The following CDH13 variants were observed in gnomAD, a reference collection of about 807,000 sequenced individuals.
CDH13 encodes cadherin-13.
Under a neutral mutation model 63.8 loss-of-function variants are expected in CDH13, and 24 were observed. The observed-to-expected ratio is 0.38, with a 90% CI of 0.27 to 0.53. The LOEUF (loss-of-function observed/expected upper bound fraction) is 0.53, where lower values mean the gene tolerates loss of function less well. Ranked by LOEUF, CDH13 falls within the 20% of genes least tolerant of loss-of-function variation. The probability of loss-of-function intolerance (pLI) is 0.85; values close to 1 mark genes in which losing one functional copy is unlikely to be tolerated. For missense variants in CDH13, 1,049 were observed against 903.1 expected (o/e 1.16, Z -2.07); for synonymous variants, 503 against 355.3 (o/e 1.42, Z -4.67).
chr16:83,615,909 G>A (rs1045540558), intron 8 of CDH13, among the ~76,000 whole-genome samples: 1 of 152,142 alleles, frequency 6.6e-6, no homozygotes, highest in Non-Finnish European at 1.5e-5. Flanking sequence ...CTTGAAAGGG[G>A]TGAGTTCATC....
intron 3 of CDH13, among the ~76,000 whole-genome samples, chr16:83,111,364 G>C (rs1021322312): frequency 6.6e-6 from 1 of 152,166 alleles, no homozygotes; most frequent in African/African-American, 2.4e-5. Context: ...ACTTAAAGTA[G>C]AGAGTCAGGG....
At chr16:83,052,582 C>T (rs1277648938) in intron 3 of CDH13, among the ~76,000 whole-genome samples, 1 of 152,062 alleles carries the variant, frequency 6.6e-6, no homozygotes, top group Non-Finnish European at 1.5e-5. Context: ...GAGTTGAAGA[C>T]CAGCCAGGCC....
At chr16:83,384,411 A>C (rs2091631796) in intron 6 of CDH13, among the ~76,000 whole-genome samples, 1 of 152,184 alleles carries the variant, frequency 6.6e-6, no homozygotes, top group Non-Finnish European at 1.5e-5. Flanking sequence ...GAAATAGACT[A>C]CCGAGGCGAA....
intron 1 of CDH13, among the ~76,000 whole-genome samples, chr16:82,845,411 G>A (rs974779270): frequency 3.3e-5 from 5 of 152,182 alleles, no homozygotes; most frequent in African/African-American, 1.2e-4. Flanking sequence ...AGAGACTGAG[G>A]GCACTCTAAG....
intron 2 of CDH13, among the ~76,000 whole-genome samples, chr16:82,907,882 C>A (rs971673229): frequency 6.6e-6 from 1 of 152,120 alleles, no homozygotes; most frequent in African/African-American, 2.4e-5. Flanking sequence ...TCTTTGAATG[C>A]AAACCATGGG....
At chr16:82,728,674 G>C (rs747571703) in intron 1 of CDH13, among the ~76,000 whole-genome samples, 1 of 152,074 alleles carries the variant, frequency 6.6e-6, no homozygotes, top group African/African-American at 2.4e-5. Context: ...TCAGGGTGGG[G>C]GTTGCTGAAG....
intron 5 of CDH13, among the ~76,000 whole-genome samples, chr16:83,342,988 T>G (rs974922525): frequency 2.0e-5 from 3 of 151,822 alleles, no homozygotes; most frequent in African/African-American, 7.2e-5. Flanking sequence ...AGTATTCTCA[T>G]AATAGCTTAA....
intron 6 of CDH13, among the ~76,000 whole-genome samples, chr16:83,421,485 G>A (rs1297289056): frequency 6.6e-6 from 1 of 152,172 alleles, no homozygotes; most frequent in South Asian, 2.1e-4. Context: ...TTTATTGCCT[G>A]ATGGTTGCAA....
chr16:83,531,985 C>A (rs891278677), intron 7 of CDH13, among the ~76,000 whole-genome samples: 1 of 152,144 alleles, frequency 6.6e-6, no homozygotes, highest in Admixed American at 6.5e-5. Flanking sequence ...ATGGGAGGCA[C>A]CCGGTGGGAG....
chr16:83,362,980 A>G (rs1029514344), intron 6 of CDH13, among the ~76,000 whole-genome samples: 6 of 152,232 alleles, frequency 3.9e-5, no homozygotes, highest in African/African-American at 9.6e-5. Flanking sequence ...TCCTTACAGC[A>G]TGAGACAGTC....
chr16:82,789,645 C>T (rs1052396297), intron 1 of CDH13, among the ~76,000 whole-genome samples: 2 of 152,182 alleles, frequency 1.3e-5, no homozygotes, highest in Admixed American at 6.5e-5. Context: ...GAGCAACCTA[C>T]TTTTTTGTTT....
chr16:83,610,504 C>G (rs1908760195), intron 8 of CDH13, among the ~76,000 whole-genome samples: 1 of 152,126 alleles, frequency 6.6e-6, no homozygotes, highest in African/African-American at 2.4e-5. Context: ...TCCTGCTAGT[C>G]CCACCACCTG....
intron 4 of CDH13, among the ~76,000 whole-genome samples, chr16:83,182,683 G>A (rs937301636): frequency 6.6e-6 from 1 of 152,184 alleles, no homozygotes; most frequent in Non-Finnish European, 1.5e-5. Flanking sequence ...GGTTTACCAA[G>A]TACTTTACTT....
chr16:83,256,777 G>A lies in CDH13; in HGVS notation c.636+39280G>A, dbSNP rs1036790387. On this transcript the variant is annotated intron_variant, in intron 5 of 13. Coordinates refer to ENST00000567109, the MANE Select transcript of CDH13 (RefSeq NM_001257.5). ...GGAGAATGGCATGAACCCAGGAGGC[G>A]GAGCTTGCAGTGAGCCGAGATCGCG... Among the ~76,000 whole-genome samples, 12 of 150,350 alleles carry A rather than the reference G, an allele frequency of 8.0e-5. 1 individual carries two copies. Among genetic ancestry groups the A allele is most frequent in the Non-Finnish European group, 1.5e-4 (10 of 67,680 alleles).
At chr16:82,770,794 G>A (rs1425119556) in intron 1 of CDH13, among the ~76,000 whole-genome samples, 5 of 151,888 alleles carry the variant, frequency 3.3e-5, no homozygotes, top group South Asian at 2.1e-4. Context: ...TGCAACCTCC[G>A]CCTCCCAAGT....
At chr16:83,226,358 A>G (rs2039838474) in intron 5 of CDH13, among the ~76,000 whole-genome samples, 1 of 152,182 alleles carries the variant, frequency 6.6e-6, no homozygotes, top group South Asian at 2.1e-4. Flanking sequence ...TTCCTCACTC[A>G]GGGCTATGGA....
intron 8 of CDH13, among the ~76,000 whole-genome samples, chr16:83,635,461 A>T (rs779422862): frequency 2.1e-5 from 3 of 145,580 alleles, no homozygotes; most frequent in African/African-American, 5.1e-5. Flanking sequence ...CTCCTGCCTC[A>T]GCCTCCCGAG....
chr16:82,700,951 A>ACCCCCCCCCCCCC lies in CDH13; in HGVS notation c.45+73817_45+73818insCCCCCCCCCCCCC, dbSNP rs1287553502. Among the ~76,000 whole-genome samples, 6 of 13,806 alleles carry ACCCCCCCCCCCCC rather than the reference A, an allele frequency of 4.3e-4. 1 individual carries two copies. The highest frequency in any genetic ancestry group is 1.5e-3 in the Admixed American group (1 of 672). The allele number at this position is 13,806 out of a possible 152,430, so 9.1% of individuals were successfully genotyped here. On this transcript the variant is annotated intron_variant, in intron 1 of 13. Coordinates refer to ENST00000567109, the MANE Select transcript of CDH13 (RefSeq NM_001257.5). The stretch of plus-strand genomic sequence containing the variant: ...TACGTGCACCATTGTAAGTGCTGGA[A>ACCCCCCCCCCCCC]CCCGCCCCCCCCCCCCCCCCCCCGC...
chr16:82,881,750 G>T (rs911805289), intron 2 of CDH13, among the ~76,000 whole-genome samples: 1 of 152,128 alleles, frequency 6.6e-6, no homozygotes, highest in African/African-American at 2.4e-5. Context: ...CACATTCCTA[G>T]TGTGGTTGCC....
Sources: gnomAD v4.1 joint callset for allele counts (sites outside exome capture counted in the v4.1 genomes callset) on GRCh38, gnomAD v4.1.1 for gene constraint, MANE v1.5 for transcripts, NCBI Gene and HGNC (gene_info 2026-07-23, HGNC 2026-07-21) for gene names.